The following PTGR1 variants were observed in gnomAD, a reference collection of about 807,000 sequenced individuals.
PTGR1 encodes the protein 15-oxoprostaglandin 13-reductase.
Under a neutral mutation model 37.7 loss-of-function variants are expected in PTGR1, and 23 were observed. That is an observed-to-expected ratio of 0.61 (90% CI 0.44 to 0.86). The LOEUF (loss-of-function observed/expected upper bound fraction) is 0.86. Among genes scored for constraint, PTGR1 ranks in the 40% least tolerant of loss-of-function variants. PTGR1 has a pLI of 0.00. For missense variants in PTGR1, 351 were observed against 394.3 expected, an observed-to-expected ratio of 0.89 and a Z score of 0.93; for synonymous variants, 134 against 140.0, an observed-to-expected ratio of 0.96 and a Z score of 0.30.
At chr9:111,555,908 A>G (rs913465615) in intron 9 of PTGR1, among the ~76,000 whole-genome samples, 1 of 152,172 alleles carries the variant, frequency 6.6e-6, no homozygotes, top group Admixed American at 6.5e-5. Flanking sequence ...AAAGCTAATC[A>G]TGCCTTCCCA....
intron 9 of PTGR1, among the ~76,000 whole-genome samples, chr9:111,566,924 G>A (rs185086417): frequency 5.4e-4 from 82 of 151,816 alleles, no homozygotes; most frequent in Middle Eastern, 3.4e-3. Flanking sequence ...CCTTCTCTAC[G>A]AAAAACACAA....
At chr9:111,595,645 T>G (rs1006067983) in intron 2 of PTGR1, among the ~76,000 whole-genome samples, 2 of 152,094 alleles carry the variant, frequency 1.3e-5, no homozygotes, top group Non-Finnish European at 2.9e-5. Flanking sequence ...ATTTATTTAT[T>G]TTTTTTGAGA....
intron 9 of PTGR1, among the ~76,000 whole-genome samples, chr9:111,557,047 C>T (rs1188792656): frequency 1.3e-5 from 2 of 152,162 alleles, no homozygotes; most frequent in Non-Finnish European, 1.5e-5. Flanking sequence ...AGGGCTGCCG[C>T]GAAGATCTCT....
intron 2 of PTGR1, among the ~76,000 whole-genome samples, chr9:111,594,549 C>CTTTTTT (rs71373753): frequency 8.6e-5 from 11 of 127,216 alleles, no homozygotes; most frequent in Non-Finnish European, 9.6e-5. Context: ...TTTTGGCATT[C>CTTTTTT]TTTTTTTTTT....
chr9:111,594,381 C>T, intron 2 of PTGR1, 114 bp from the exon 3 acceptor site: 1 of 846,498 alleles, frequency 1.2e-6, no homozygotes, highest in Non-Finnish European at 2.0e-6. Flanking sequence ...TGAGAAACCA[C>T]CCATGAGGTA....
intron 9 of PTGR1, among the ~76,000 whole-genome samples, chr9:111,555,180 A>G (rs1444477715): frequency 2.6e-5 from 4 of 152,112 alleles, no homozygotes; most frequent in Non-Finnish European, 4.4e-5. Context: ...CTCCAGGCCC[A>G]GGGTACCCAA....
chr9:111,567,867 T>C lies in PTGR1; in HGVS notation c.879+2224A>G, dbSNP rs540946139. On this transcript the variant is annotated intron_variant, in intron 9 of 9. Transcript: ENST00000407693. ...TGGAGCCATGGCAGAGGAACATAAATTGTGAAGATTTCATTTTAATATGGA... is the reference window on the plus strand; with the variant it reads ...TGGAGCCATGGCAGAGGAACATAAACTGTGAAGATTTCATTTTAATATGGA... 2.3e-3 allele frequency among the ~76,000 whole-genome samples: 356 copies of C among 152,284 alleles called. 2 individuals are homozygous for C. The highest frequency in any genetic ancestry group is 8.4e-3 in the African/African-American group (350 of 41,566).
chr9:111,588,117 A>G (rs1295481130), intron 4 of PTGR1, among the ~76,000 whole-genome samples: 6 of 151,158 alleles, frequency 4.0e-5, no homozygotes, highest in Admixed American at 4.0e-4. Flanking sequence ...CTGAGCTCAA[A>G]TGATCCTCCC....
At chr9:111,586,803 C>CTCTCTATA (rs1272719502) in intron 4 of PTGR1, among the ~76,000 whole-genome samples, 61 of 143,750 alleles carry the variant, frequency 4.2e-4, no homozygotes, top group African/African-American at 1.5e-3. Context: ...CTCTCTCTCT[C>CTCTCTATA]TATATATATA....
chr9:111,576,412 T>A, intron 7 of PTGR1: 1 of 1,614,144 alleles, frequency 6.2e-7, no homozygotes, highest in Non-Finnish European at 8.5e-7. Context: ...TGAGGCTGAA[T>A]AAGACCATGC....
downstream of PTGR1, among the ~76,000 whole-genome samples, chr9:111,559,645 C>T (rs1051619317): frequency 7.1e-6 from 1 of 141,232 alleles, no homozygotes. Context: ...CACACACATA[C>T]AGCACACACA....
intron 6 of PTGR1, among the ~76,000 whole-genome samples, chr9:111,579,484 C>T (rs1829205463): frequency 6.6e-6 from 1 of 152,082 alleles, no homozygotes; most frequent in African/African-American, 2.4e-5. Context: ...GCAACCTTGA[C>T]CTCTTAAGCT....
intron 9 of PTGR1, among the ~76,000 whole-genome samples, chr9:111,554,438 T>A (rs904410245): frequency 1.3e-5 from 2 of 152,202 alleles, no homozygotes; most frequent in East Asian, 3.8e-4. Flanking sequence ...GTCTGTTCTT[T>A]CGGTCACCAA....
Position 111,562,984 on chromosome 9 carries a change from G to A in PTGR1, c.*137C>T. ...ATCACTAATTACATACCACTTAAAT[G>A]TATTTTATTAAGTAGCTCAAACTCA... On this transcript the variant is annotated 3_prime_UTR_variant, in exon 10 of 10. Coordinates refer to ENST00000407693, the MANE Select transcript of PTGR1 (RefSeq NM_001146108.2). 1 of 1,423,312 alleles carries A rather than the reference G, an allele frequency of 7.0e-7. No individual in the cohort carries two copies. Among genetic ancestry groups the A allele is most frequent in the Non-Finnish European group, 9.2e-7 (1 of 1,091,172 alleles). The allele number at this position is 1,423,312 out of a possible 1,614,324, so 88.2% of individuals were successfully genotyped here.
chr9:111,562,782 T>C lies in PTGR1; in HGVS notation c.*339A>G. ...GGCTTCCACAGGCCCCAGCGTGTGT[T>C]GTTCCCCTCCCTATGTCCATGTGTT... is the stretch of plus-strand genomic sequence containing the variant. On this transcript the variant is annotated 3_prime_UTR_variant, in exon 10 of 10. Coordinates refer to ENST00000407693, the MANE Select transcript of PTGR1 (RefSeq NM_001146108.2). 1 of 272,436 alleles carries C rather than the reference T, an allele frequency of 3.7e-6. No individual in the cohort carries two copies. Among genetic ancestry groups the C allele is most frequent in the Non-Finnish European group, 6.2e-6 (1 of 161,168 alleles). The allele number at this position is 272,436 out of a possible 1,614,324, so 16.9% of individuals were successfully genotyped here.
chr9:111,589,558 C>A (rs563560545), intron 4 of PTGR1, among the ~76,000 whole-genome samples: 1 of 151,556 alleles, frequency 6.6e-6, no homozygotes, highest in South Asian at 2.1e-4. Flanking sequence ...AAGCTGCCCC[C>A]ACTCATTATT....
At chr9:111,588,680 C>T (rs1452590198) in intron 4 of PTGR1, among the ~76,000 whole-genome samples, 1 of 152,114 alleles carries the variant, frequency 6.6e-6, no homozygotes, top group East Asian at 1.9e-4. Context: ...CGCCCACCAC[C>T]ACGCCTGGCT....
At chr9:111,551,836 CA>C (rs1827969264) in intron 9 of PTGR1, among the ~76,000 whole-genome samples, 1 of 152,166 alleles carries the variant, frequency 6.6e-6, no homozygotes, top group South Asian at 2.1e-4. Flanking sequence ...AGTTTATTAG[CA>C]TCAAATTTGA....
intron 1 of PTGR1, among the ~76,000 whole-genome samples, chr9:111,598,835 T>C (rs1232052238): frequency 7.1e-5 from 10 of 141,802 alleles, no homozygotes; most frequent in Non-Finnish European, 1.2e-4. Context: ...CAGTTTACTC[T>C]GTTATTTCGA....
Sources: allele counts gnomAD v4.1 joint callset (sites outside exome capture counted in the v4.1 genomes callset), GRCh38; gene constraint gnomAD v4.1.1; transcripts MANE v1.5; gene names NCBI Gene and HGNC (gene_info 2026-07-23, HGNC 2026-07-21).